PER3: variants seen among roughly 807,000 people sequenced by gnomAD.
PER3 encodes the protein period circadian regulator 3.
In PER3, 107 loss-of-function variants were observed where a neutral mutation model predicts 127.2. The ratio of observed to expected loss-of-function variants is 0.84; its 90% CI spans 0.72 to 0.99. PER3 has a LOEUF of 0.99. PER3 is among the 50% of genes least tolerant of loss of function. The probability of loss-of-function intolerance (pLI) is 0.00; values close to 1 mark genes in which losing one functional copy is unlikely to be tolerated. For synonymous variants in PER3, 618 were observed against 585.8 expected (o/e 1.05, Z -0.79); for missense variants, 1,560 against 1,525.8 (o/e 1.02, Z -0.37).
Position 7,837,164 on chromosome 1 carries a change from A to G in PER3, c.3549+15A>G, listed in dbSNP as rs1194882914. The G allele has an allele frequency of 3.1e-6, 5 of 1,610,086 alleles. No homozygotes were observed. Among genetic ancestry groups the G allele is most frequent in the African/African-American group, 1.3e-5 (1 of 74,778 alleles). Reference sequence around the variant, plus strand: ...TCGACATTCAAGTAAGCACAGTAATAATGGCTGTCATATACTCATGTATTT... The same window carrying G: ...TCGACATTCAAGTAAGCACAGTAATGATGGCTGTCATATACTCATGTATTT... On this transcript the variant is annotated intron_variant, in intron 21 of 21. Transcript: ENST00000377532.
intron 12 of PER3, 186 bp downstream of exon 12, chr1:7,810,207 A>AT: frequency 1.5e-6 from 1 of 662,820 alleles, no homozygotes; most frequent in South Asian, 2.1e-5. Context: ...GGAAAGTGAT[A>AT]TTTGAATTAA....
intron 3 of PER3, among the ~76,000 whole-genome samples, chr1:7,786,360 C>T (rs2097090781): frequency 6.6e-6 from 1 of 152,156 alleles, no homozygotes; most frequent in South Asian, 2.1e-4. Flanking sequence ...CCAGGGATTT[C>T]ATTAAAGCCA....
intron 5 of PER3, among the ~76,000 whole-genome samples, chr1:7,788,803 T>C (rs576945474): frequency 4.0e-5 from 6 of 151,774 alleles, no homozygotes; most frequent in Non-Finnish European, 7.4e-5. Flanking sequence ...ACTCAGGAGG[T>C]TGAGGCACGA....
intron 5 of PER3, among the ~76,000 whole-genome samples, chr1:7,792,553 C>T (rs2097126778): frequency 6.6e-6 from 1 of 152,170 alleles, no homozygotes. Flanking sequence ...TGTACTTTTG[C>T]CTTATGAATC....
At chr1:7,786,617 G>T in intron 3 of PER3, 104 bp from the exon 4 acceptor site, 1 of 657,912 alleles carries the variant, frequency 1.5e-6, no homozygotes, top group Admixed American at 2.5e-5. Flanking sequence ...AATGCACTGA[G>T]GTGTTCTCAT....
At chr1:7,813,025 A>G (rs927957972) in intron 13 of PER3, among the ~76,000 whole-genome samples, 1 of 152,254 alleles carries the variant, frequency 6.6e-6, no homozygotes, top group Non-Finnish European at 1.5e-5. Flanking sequence ...TAGGAACTTA[A>G]GTTTAAAATT....
chr1:7,785,873 T>G (rs1239887059), intron 3 of PER3, among the ~76,000 whole-genome samples: 1 of 152,228 alleles, frequency 6.6e-6, no homozygotes, highest in Non-Finnish European at 1.5e-5. Flanking sequence ...GGCTGACCTT[T>G]TAAAGAAATA....
intron 7 of PER3, among the ~76,000 whole-genome samples, chr1:7,800,841 A>AAC (rs1553306864): frequency 2.0e-5 from 3 of 148,766 alleles, no homozygotes; most frequent in African/African-American, 7.4e-5. Flanking sequence ...AAAAAAAAAA[A>AAC]AGAGAGAAAA....
At chr1:7,836,855 TC>T (rs1366000724) in intron 20 of PER3, 143 bp from the exon 21 acceptor site, 1 of 521,076 alleles carries the variant, frequency 1.9e-6, no homozygotes, top group Non-Finnish European at 3.4e-6. Context: ...AAGGAAATGA[TC>T]TAGTTATTTT....
At chr1:7,835,996 T>C (rs1236761460) in intron 20 of PER3, 51 bp downstream of exon 20, 1 of 1,256,376 alleles carries the variant, frequency 8.0e-7, no homozygotes, top group Admixed American at 2.2e-5. Context: ...TGGTTTCTTT[T>C]TTTCTTTTTT....
In PER3 at chr1:7,820,157, T is replaced by C. The variant is rs374846979; in HGVS notation, c.1701T>C (p.Cys567=). The C allele has an allele frequency of 2.0e-5, 33 of 1,613,224 alleles. No individual in the cohort carries two copies. The highest frequency in any genetic ancestry group is 2.6e-5 in the Non-Finnish European group (31 of 1,179,352). The part of the protein sequence containing the change: ...SYNIPALKRK[C]ISCTNTTSSS... ...ACATTCCAGCTTTGAAAAGAAAGTGTATCTCCTGTACAAATACAACTTCTT... is the reference window on the plus strand; with the variant it reads ...ACATTCCAGCTTTGAAAAGAAAGTGCATCTCCTGTACAAATACAACTTCTT... The change falls in exon 15 of 22, where the codon TGT becomes TGC. Residue 567 remains cysteine (C), a synonymous_variant. Coordinates refer to ENST00000377532, the MANE Select transcript of PER3 (RefSeq NM_001377275.1).
Position 7,827,490 on chromosome 1 carries a change from C to G in PER3, c.2561C>G (p.Thr854Ser), listed in dbSNP as rs367596473. The change falls in exon 18 of 22, where the codon ACT becomes AGT. Residue 854 changes from threonine (T) to serine (S), a missense_variant. Thr to Ser is a moderately conservative substitution (Grantham distance 58, BLOSUM62 1). Around this residue, in one of 3 missense-constraint regions of PER3, gnomAD observed 1,332 missense variants for 1,223.6 expected, o/e 1.09. Transcript: ENST00000377532. ...GCTTTCCCTTTTCCTTACTTGGATA[C>G]TTTTATGACCGTTTTCCTGCCTGAC... ...YPAFPFPYLDTFMTVFLPDPP... is the reference protein window; with the variant it reads ...YPAFPFPYLDSFMTVFLPDPP... 28 of 1,614,236 alleles carry G rather than the reference C, an allele frequency of 1.7e-5. No individual in the cohort carries two copies. The highest frequency in any genetic ancestry group is 2.3e-5 in the Non-Finnish European group (27 of 1,180,042).
rs985526674 is a variant in PER3, at chr1:7,827,768, G to C, written c.2839G>C (p.Glu947Gln). The change falls in exon 18 of 22, where the codon GAA (glutamate) becomes CAA (glutamine). Residue 947 changes from glutamate to glutamine, a missense_variant. Transcript: ENST00000377532. ...TCAGGAAGAGATGCCCAGACCCTCT[G>C]AATCTCCAGATCAGATGAGAAGGAA... is the stretch of plus-strand genomic sequence containing the variant. ...LLQEEMPRPSESPDQMRRNTC... is the reference protein window; with the variant it reads ...LLQEEMPRPSQSPDQMRRNTC... 4.3e-6 allele frequency: 7 copies of C among 1,613,868 alleles called. No homozygotes were observed. The highest frequency in any genetic ancestry group is 5.9e-6 in the Non-Finnish European group (7 of 1,180,024).
chr1:7,791,197 C>G (rs2097118837), intron 5 of PER3, among the ~76,000 whole-genome samples: 1 of 148,934 alleles, frequency 6.7e-6, no homozygotes, highest in Non-Finnish European at 1.5e-5. Context: ...GGGCTCCGCC[C>G]CTGTAGCAAA....
At chr1:7,841,379 G>T (rs1558493231) in intron 21 of PER3, among the ~76,000 whole-genome samples, 1 of 151,264 alleles carries the variant, frequency 6.6e-6, no homozygotes, top group Non-Finnish European at 1.5e-5. Flanking sequence ...AGGGCTTATT[G>T]ATTCTTGTTT....
In PER3 at chr1:7,786,840, A is replaced by T; in HGVS notation, c.390+4A>T. The T allele has an allele frequency of 6.5e-7, 1 of 1,532,740 alleles. No homozygotes were observed. The highest frequency in any genetic ancestry group is 9.0e-7 in the Non-Finnish European group (1 of 1,105,744). The allele number at this position is 1,532,740 out of a possible 1,614,324, so 94.9% of individuals were successfully genotyped here. A position where few individuals can be genotyped will look rare whatever the true frequency, so the allele number is the denominator to read the frequency against. On this transcript the variant is annotated splice_donor_region_variant and intron_variant, in intron 4 of 21. Coordinates refer to ENST00000377532, the MANE Select transcript of PER3 (RefSeq NM_001377275.1). Reference sequence around the variant, plus strand: ...AGAACACACTTCCAAAAACACAGTAAGAATTCATGCATTTTGCCATATCAA... The same window carrying T: ...AGAACACACTTCCAAAAACACAGTATGAATTCATGCATTTTGCCATATCAA...
chr1:7,785,039 C>G (rs374850965), intron 2 of PER3, 34 bp downstream of exon 2: 1 of 1,556,648 alleles, frequency 6.4e-7, no homozygotes, highest in Non-Finnish European at 8.6e-7. Flanking sequence ...GGGCCCCATG[C>G]GTTCGTTGTC....
chr1:7,829,442 T>A (rs966944172), intron 18 of PER3, among the ~76,000 whole-genome samples: 3 of 152,232 alleles, frequency 2.0e-5, no homozygotes, highest in African/African-American at 7.2e-5. Flanking sequence ...TTATGACTTC[T>A]CTTTGGCATA....
intron 13 of PER3, among the ~76,000 whole-genome samples, chr1:7,813,166 G>C (rs1041245075): frequency 4.6e-5 from 7 of 152,288 alleles, no homozygotes; most frequent in African/African-American, 1.2e-4. Flanking sequence ...CATGTACAGA[G>C]GCCAACTACA....
Sources: allele counts gnomAD v4.1 joint callset (sites outside exome capture counted in the v4.1 genomes callset), GRCh38; gene constraint gnomAD v4.1.1; regional missense constraint gnomAD v4.1.1; transcripts MANE v1.5; gene names NCBI Gene and HGNC (gene_info 2026-07-23, HGNC 2026-07-21).